Variants in PAX5 observed in about 807,000 individuals in gnomAD.
The protein encoded by PAX5 is paired box protein Pax-5.
Under a neutral mutation model 43.7 loss-of-function variants are expected in PAX5, and 9 were observed. The ratio of observed to expected loss-of-function variants is 0.21; its 90% confidence interval spans 0.12 to 0.36. The LOEUF is 0.36. Among genes scored for constraint, PAX5 ranks in the 10% least tolerant of loss-of-function variants. The probability of loss-of-function intolerance (pLI) is 1.00; values close to 1 mark genes in which losing one functional copy is unlikely to be tolerated. For synonymous variants in PAX5, 228 were observed against 214.3 expected (o/e 1.06, Z -0.56); for missense variants, 383 against 532.7 (o/e 0.72, Z 2.77).
chr9:37,033,902 C>T (rs1841262903), intron 1 of PAX5, 84 bp downstream of exon 1: 3 of 1,276,050 alleles, frequency 2.4e-6, no homozygotes, highest in East Asian at 4.7e-5. Context: ...GCGCCCCCTC[C>T]TCCTCCAGGG....
At chr9:37,004,550 C>A (rs547881421) in intron 4 of PAX5, among the ~76,000 whole-genome samples, 41 of 152,338 alleles carry the variant, frequency 2.7e-4, no homozygotes, top group African/African-American at 9.9e-4. Context: ...GGGAGCCATG[C>A]CTTTCTTCTC....
At chr9:36,947,696 G>A (rs760384544) in intron 6 of PAX5, among the ~76,000 whole-genome samples, 6 of 151,852 alleles carry the variant, frequency 4.0e-5, no homozygotes, top group African/African-American at 7.3e-5. Flanking sequence ...ATATTTGTAC[G>A]CATATGTGTG....
intron 1 of PAX5, 55 bp from the exon 2 acceptor site, chr9:37,020,856 T>C (rs563238433): frequency 8.2e-6 from 13 of 1,587,312 alleles, no homozygotes; most frequent in Non-Finnish European, 1.1e-5. Context: ...ACCAGTCACA[T>C]AGGAGAAGCA....
intron 7 of PAX5, among the ~76,000 whole-genome samples, chr9:36,897,178 C>T (rs887517603): frequency 1.3e-5 from 2 of 152,136 alleles, no homozygotes; most frequent in African/African-American, 4.8e-5. Context: ...TCCTCGGGTC[C>T]AGGCAGCAGC....
At chr9:36,887,169 C>T (rs1336309997) in intron 7 of PAX5, among the ~76,000 whole-genome samples, 1 of 152,106 alleles carries the variant, frequency 6.6e-6, no homozygotes, top group East Asian at 1.9e-4. Context: ...AAAATGTTTC[C>T]CCTCGAGGGG....
chr9:36,991,878 TG>T (rs1271730020), intron 5 of PAX5, among the ~76,000 whole-genome samples: 4 of 152,206 alleles, frequency 2.6e-5, no homozygotes, highest in African/African-American at 9.7e-5. Flanking sequence ...CAGTTAATTT[TG>T]CTACAAGCAA....
intron 7 of PAX5, among the ~76,000 whole-genome samples, chr9:36,916,276 C>G (rs1829724086): frequency 6.6e-6 from 1 of 152,036 alleles, no homozygotes; most frequent in Non-Finnish European, 1.5e-5. Context: ...ATATTTGGAC[C>G]TATTTCTGAA....
chr9:36,884,369 T>C (rs867227456), intron 7 of PAX5, among the ~76,000 whole-genome samples: 1 of 152,232 alleles, frequency 6.6e-6, no homozygotes, highest in Middle Eastern at 3.2e-3. Flanking sequence ...ATCATATTAA[T>C]GTATTAAAGG....
chr9:36,875,464 G>A (rs1825829615), intron 8 of PAX5, among the ~76,000 whole-genome samples: 1 of 152,182 alleles, frequency 6.6e-6, no homozygotes, highest in Non-Finnish European at 1.5e-5. Flanking sequence ...GCTTAGTGCT[G>A]CACATGAAAA....
At chr9:36,957,025 C>T (rs60583013) in intron 6 of PAX5, among the ~76,000 whole-genome samples, 1 of 151,404 alleles carries the variant, frequency 6.6e-6, no homozygotes, top group Admixed American at 6.6e-5. Flanking sequence ...TTGTCCCCCC[C>T]ACTTCCACCC....
At chr9:36,855,166 C>T (rs1033217554) in intron 8 of PAX5, among the ~76,000 whole-genome samples, 3 of 152,274 alleles carry the variant, frequency 2.0e-5, no homozygotes, top group Non-Finnish European at 4.4e-5. Context: ...AGGTCCGACT[C>T]CACCAGCTGG....
rs1821897713 is a variant in PAX5 at position 36,839,781 on chromosome 9, C to A, written c.*779G>T. The A allele has an allele frequency of 4.3e-6, 1 of 233,326 alleles. No homozygotes were observed. The highest frequency in any genetic ancestry group is 5.6e-5 in the Admixed American group (1 of 17,802). The allele number at this position is 233,326 out of a possible 1,614,324, so 14.5% of individuals were successfully genotyped here. On this transcript the variant is annotated 3_prime_UTR_variant, in exon 10 of 10. Coordinates refer to ENST00000358127, the MANE Select transcript of PAX5 (RefSeq NM_016734.3). ...TCGGAAAAGTAGCTGAGGAATCTCC[C>A]AGACAGTTTTCTTTGAGTTCTTTGA...
chr9:36,850,638 C>A (rs572865917), intron 8 of PAX5, among the ~76,000 whole-genome samples: 4 of 152,302 alleles, frequency 2.6e-5, no homozygotes, highest in South Asian at 2.1e-4. Flanking sequence ...AATTGGGAAA[C>A]TTTTCTTTAC....
chr9:36,939,878 T>C (rs1831897932), intron 6 of PAX5, among the ~76,000 whole-genome samples: 2 of 152,166 alleles, frequency 1.3e-5, no homozygotes, highest in Admixed American at 1.3e-4. Flanking sequence ...GCGCAGCAGA[T>C]TGGATGCCCA....
At chr9:36,949,074 G>GTTTTT (rs1832787280) in intron 6 of PAX5, among the ~76,000 whole-genome samples, 1 of 152,010 alleles carries the variant, frequency 6.6e-6, no homozygotes, top group Non-Finnish European at 1.5e-5. Flanking sequence ...GTTTTGTTTT[G>GTTTTT]TTTTTGAGAC....
intron 5 of PAX5, among the ~76,000 whole-genome samples, chr9:36,971,880 G>C (rs1834950714): frequency 6.6e-6 from 1 of 152,238 alleles, no homozygotes; most frequent in African/African-American, 2.4e-5. Flanking sequence ...AATAGCCTCA[G>C]ATTCCCATCT....
intron 8 of PAX5, chr9:36,856,704 A>AT (rs1470328400): frequency 6.6e-6 from 1 of 151,966 alleles, no homozygotes; most frequent in Non-Finnish European, 1.5e-5. Flanking sequence ...CACCTGGCTA[A>AT]TTTTTTGTAT....
At chr9:36,975,397 G>T (rs10814497) in intron 5 of PAX5, among the ~76,000 whole-genome samples, 85,019 of 142,586 alleles carry the variant, frequency 0.6, 26,658 homozygotes, top group East Asian at 0.76. Flanking sequence ...TTTTTTTTTT[G>T]TTTTTTGAGA....
chr9:36,927,665 G>A (rs1022729667), intron 6 of PAX5, among the ~76,000 whole-genome samples: 1 of 151,814 alleles, frequency 6.6e-6, no homozygotes, highest in East Asian at 1.9e-4. Context: ...ACTTGGAAAC[G>A]AGTCCTTAGC....
Sources: gnomAD v4.1 joint callset for allele counts (sites outside exome capture counted in the v4.1 genomes callset) on GRCh38, gnomAD v4.1.1 for gene constraint, MANE v1.5 for transcripts, NCBI Gene and HGNC (gene_info 2026-07-23, HGNC 2026-07-21) for gene names.